The following CFAP97 variants were observed in gnomAD, a reference collection of about 807,000 sequenced individuals.
The protein encoded by CFAP97 is cilia- and flagella-associated protein 97.
A neutral mutation model predicts 43.1 loss-of-function variants in CFAP97; 36 were observed. That is an observed-to-expected ratio of 0.84 (90% CI 0.64 to 1.10). CFAP97 has a LOEUF of 1.10. CFAP97 is among the 50% of genes least tolerant of loss of function. The pLI is 0.00. For synonymous variants in CFAP97, 228 were observed against 225.7 expected (o/e 1.01, Z -0.09); for missense variants, 657 against 620.3 (o/e 1.06, Z -0.63).
At chr4:185,193,771 A>G (rs1560873164) in intron 1 of CFAP97, among the ~76,000 whole-genome samples, 2 of 152,062 alleles carry the variant, frequency 1.3e-5, no homozygotes, top group Non-Finnish European at 1.5e-5. Flanking sequence ...TAAACCAGCC[A>G]CAACACTCTG....
At chr4:185,202,233 G>T (rs147958645) in intron 1 of CFAP97, among the ~76,000 whole-genome samples, 2 of 152,126 alleles carry the variant, frequency 1.3e-5, no homozygotes, top group Non-Finnish European at 2.9e-5. Context: ...TAGAAAAATC[G>T]CCTTGTATGT....
intron 1 of CFAP97, among the ~76,000 whole-genome samples, 163 bp from the exon 2 acceptor site, chr4:185,191,375 G>A (rs1228000937): frequency 6.6e-6 from 1 of 152,172 alleles, no homozygotes; most frequent in Non-Finnish European, 1.5e-5. Context: ...AAGTGATGAT[G>A]GGGTTCTATG....
At chr4:185,197,726 T>TAA (rs1183440417) in intron 1 of CFAP97, among the ~76,000 whole-genome samples, 1 of 152,190 alleles carries the variant, frequency 6.6e-6, no homozygotes, top group Non-Finnish European at 1.5e-5. Context: ...GCGAAAAGTT[T>TAA]AAATTTTCCT....
chr4:185,202,564 A>C (rs1243541949), intron 1 of CFAP97, among the ~76,000 whole-genome samples: 1 of 151,830 alleles, frequency 6.6e-6, no homozygotes, highest in Non-Finnish European at 1.5e-5. Flanking sequence ...CAAACAAACA[A>C]AAAAAATCAC....
At chr4:185,166,291 C>T (rs1735069861) in intron 3 of CFAP97, among the ~76,000 whole-genome samples, 1 of 152,180 alleles carries the variant, frequency 6.6e-6, no homozygotes, top group Non-Finnish European at 1.5e-5. Context: ...ATCATATCTT[C>T]TCTACCTGCA....
chr4:185,164,765 A>T (rs1288565880), intron 3 of CFAP97, among the ~76,000 whole-genome samples: 1 of 152,246 alleles, frequency 6.6e-6, no homozygotes, highest in Non-Finnish European at 1.5e-5. Context: ...GTCTTAGGAA[A>T]GGTGCTGTAA....
upstream of CFAP97, among the ~76,000 whole-genome samples, chr4:185,205,283 GTCTC>G (rs1439556609): frequency 6.6e-6 from 1 of 152,134 alleles, no homozygotes; most frequent in Non-Finnish European, 1.5e-5. Flanking sequence ...GTGAAACACT[GTCTC>G]TACTAAAAAT....
intron 1 of CFAP97, among the ~76,000 whole-genome samples, chr4:185,196,040 C>T (rs1390647369): frequency 6.6e-6 from 1 of 152,110 alleles, no homozygotes; most frequent in African/African-American, 2.4e-5. Context: ...ATTGTTTCTT[C>T]AAATTTCAAA....
chr4:185,160,045 T>C lies in CFAP97; in HGVS notation c.*2753A>G, dbSNP rs1428627759. 2 of 152,188 alleles carry C rather than the reference T, an allele frequency of 1.3e-5. No homozygotes were observed. Among genetic ancestry groups the C allele is most frequent in the South Asian group, 2.1e-4 (1 of 4,830 alleles). The allele number at this position is 152,188 out of a possible 1,614,324, so 9.4% of individuals were successfully genotyped here. A position where few individuals can be genotyped will look rare whatever the true frequency, so the allele number is the denominator to read the frequency against. On this transcript the variant is annotated 3_prime_UTR_variant, in exon 5 of 5. Transcript: ENST00000458385. The stretch of plus-strand genomic sequence containing the variant: ...TCACCTTCCTAAAGCTGTCTCGATA[T>C]CTACTGTGGACACTCAGGTTAGCGG...
chr4:185,205,806 G>A (rs758230114), upstream of CFAP97, among the ~76,000 whole-genome samples: 2 of 152,194 alleles, frequency 1.3e-5, no homozygotes, highest in Non-Finnish European at 2.9e-5. Context: ...TCCAGCCTGG[G>A]CGACAGAGCA....
chr4:185,174,105 C>T (rs1735421689), intron 3 of CFAP97, among the ~76,000 whole-genome samples: 2 of 152,254 alleles, frequency 1.3e-5, no homozygotes, highest in Middle Eastern at 3.4e-3. Flanking sequence ...CTCTTTTACT[C>T]TTCTGTAACT....
At chr4:185,170,038 A>G in intron 3 of CFAP97, 1 of 1,172,172 alleles carries the variant, frequency 8.5e-7, no homozygotes, top group Non-Finnish European at 1.1e-6. Context: ...TAATTATTCC[A>G]CATAAGAGTT....
intron 4 of CFAP97, among the ~76,000 whole-genome samples, chr4:185,163,276 T>C (rs373266039): frequency 1.1e-4 from 16 of 152,144 alleles, no homozygotes; most frequent in East Asian, 5.8e-4. Context: ...ATAAGACCCT[T>C]TCTTAGTCAC....
chr4:185,183,478 G>A (rs1181234896), intron 2 of CFAP97, among the ~76,000 whole-genome samples: 1 of 152,214 alleles, frequency 6.6e-6, no homozygotes, highest in East Asian at 1.9e-4. Context: ...AAGTGATAAA[G>A]TGTATTGAGA....
rs964436046 is a variant in CFAP97 at position 185,160,471 on chromosome 4, C to A, written c.*2327G>T. On this transcript the variant is annotated 3_prime_UTR_variant, in exon 5 of 5. Coordinates refer to ENST00000458385, the MANE Select transcript of CFAP97 (RefSeq NM_020827.3). Reference sequence around the variant, plus strand: ...TAAGTAATTCCTTCTTAAGAATGTCCCTTAAACTATAACAACTTCATAGCA... The same window carrying A: ...TAAGTAATTCCTTCTTAAGAATGTCACTTAAACTATAACAACTTCATAGCA... 1.3e-5 allele frequency: 2 copies of A among 151,956 alleles called. No homozygotes were observed. The highest frequency in any genetic ancestry group is 4.8e-5 in the African/African-American group (2 of 41,392). 9.4% of individuals were successfully genotyped at this position (151,956 alleles called of 1,614,324 possible). A position where few individuals can be genotyped will look rare whatever the true frequency, so the allele number is the denominator to read the frequency against.
At chr4:185,197,358 G>A (rs1014095034) in intron 1 of CFAP97, among the ~76,000 whole-genome samples, 6 of 151,776 alleles carry the variant, frequency 4.0e-5, no homozygotes, top group African/African-American at 7.3e-5. Context: ...TAACAGCCAC[G>A]TGACTATTAC....
At chr4:185,183,226 C>T (rs960224026) in intron 2 of CFAP97, among the ~76,000 whole-genome samples, 3 of 152,168 alleles carry the variant, frequency 2.0e-5, no homozygotes, top group African/African-American at 7.2e-5. Flanking sequence ...TTAGTATTCA[C>T]TACCTTAAGC....
At chr4:185,189,561 TAAG>T (rs907957354) in intron 2 of CFAP97, among the ~76,000 whole-genome samples, 5 of 152,196 alleles carry the variant, frequency 3.3e-5, no homozygotes, top group African/African-American at 1.2e-4. Context: ...AATAAACTGA[TAAG>T]AAACAAAGCA....
In CFAP97 at chr4:185,190,261, T is replaced by C. The variant is rs1736176776; in HGVS notation, c.936A>G (p.Lys312=). The C allele has an allele frequency of 3.1e-6, 5 of 1,613,146 alleles. No homozygotes were observed. The highest frequency in any genetic ancestry group is 1.3e-5 in the African/African-American group (1 of 74,942). Residue 312 remains lysine (K), a synonymous_variant, in exon 2 of 5, where the codon AAA becomes AAG. Coordinates refer to ENST00000458385, the MANE Select transcript of CFAP97 (RefSeq NM_020827.3). ...AGGAGACATCAGGCTCATGTTTTTC[T>C]TTCCCTTTTTTGGCTGCTTTCAAAT... The part of the protein sequence containing the change: ...SKYLKAAKKG[K]EKHEPDVSSK...
Sources: allele counts gnomAD v4.1 joint callset (sites outside exome capture counted in the v4.1 genomes callset), GRCh38; gene constraint gnomAD v4.1.1; transcripts MANE v1.5; gene names NCBI Gene and HGNC (gene_info 2026-07-23, HGNC 2026-07-21).